ADCY7: variants seen among roughly 807,000 people sequenced by gnomAD.
The protein encoded by ADCY7 is adenylate cyclase 7, also known as adenylate cyclase type 7.
ADCY7 carries 72 observed loss-of-function variants against 120.6 expected under a neutral mutation model. The ratio of observed to expected loss-of-function variants is 0.60; its 90% CI spans 0.49 to 0.73. The LOEUF is 0.73. ADCY7 is among the 30% of genes least tolerant of loss of function. The probability of loss-of-function intolerance (pLI) is 0.00; values close to 1 mark genes in which losing one functional copy is unlikely to be tolerated. For missense variants in ADCY7, 1,227 were observed against 1,486.0 expected, an observed-to-expected ratio of 0.83 and a Z score of 2.87; for synonymous variants, 661 against 628.0, an observed-to-expected ratio of 1.05 and a Z score of -0.78.
rs139792598 is a variant in ADCY7, at chr16:50,294,621, C to A, written c.837-19C>A. 3,042 of 1,341,712 alleles carry A rather than the reference C, an allele frequency of 2.3e-3. 111 individuals are homozygous for A. The East Asian group carries it at 0.055, about 24-fold the overall frequency. The allele number at this position is 1,341,712 out of a possible 1,614,324, so 83.1% of individuals were successfully genotyped here. ...GGAGCCTGGCTCTGACACTCCCTCC[C>A]ACCCTGCCCCATCCCCAGCATCCTC... On this transcript the variant is annotated intron_variant, in intron 6 of 25. Coordinates refer to ENST00000673801, the MANE Select transcript of ADCY7 (RefSeq NM_001114.5).
At chr16:50,270,284 A>G (rs2033478780) in intron 1 of ADCY7, among the ~76,000 whole-genome samples, 1 of 152,214 alleles carries the variant, frequency 6.6e-6, no homozygotes, top group African/African-American at 2.4e-5. Context: ...GAACTGGAGA[A>G]TGAGACCACA....
chr16:50,278,221 A>G (rs2034024886), intron 1 of ADCY7, among the ~76,000 whole-genome samples: 6 of 151,974 alleles, frequency 3.9e-5, no homozygotes, highest in Admixed American at 3.9e-4. Context: ...TGTATTTTTT[A>G]ATAGAAATGG....
intron 1 of ADCY7, among the ~76,000 whole-genome samples, chr16:50,267,639 G>A (rs1246027945): frequency 6.6e-6 from 1 of 152,162 alleles, no homozygotes; most frequent in African/African-American, 2.4e-5. Context: ...AGTGAGGACC[G>A]GGCTGCCCAG....
rs1482897121 is a variant in ADCY7 at position 50,305,783 on chromosome 16, C to G, written c.1686C>G (p.Cys562Trp). 2 of 1,613,830 alleles carry G rather than the reference C, an allele frequency of 1.2e-6. No individual in the cohort carries two copies. Among genetic ancestry groups the G allele is most frequent in the East Asian group, 4.5e-5 (2 of 44,898 alleles). Residue 562 changes from cysteine to tryptophan, a missense_variant, in exon 14 of 26, where the codon TGC becomes TGG. By Grantham distance (215) the Cys-to-Trp change is radical. Around this residue, in one of 5 missense-constraint regions of ADCY7, gnomAD observed 332 missense variants for 455.8 expected, o/e 0.73. Transcript: ENST00000673801. ...AIEGLSSTRPCCSKSDDFYTF... is the reference protein window; with the variant it reads ...AIEGLSSTRPWCSKSDDFYTF... The stretch of plus-strand genomic sequence containing the variant: ...CAGCTGCCCCCGCCCACAGGCCCTG[C>G]TGCTCCAAGTCCGATGACTTCTACA...
chr16:50,290,303 C>T lies in ADCY7; in HGVS notation c.172-154C>T, dbSNP rs544221465. On this transcript the variant is annotated intron_variant, in intron 2 of 25. Coordinates refer to ENST00000673801, the MANE Select transcript of ADCY7 (RefSeq NM_001114.5). ...CAGCCTTGGCAGAGGTGACAAAGGCCAGAAGGTGAGTGGGAACCAGGTGTG... is the reference window on the plus strand; with the variant it reads ...CAGCCTTGGCAGAGGTGACAAAGGCTAGAAGGTGAGTGGGAACCAGGTGTG... Among the ~76,000 whole-genome samples the T allele has an allele frequency of 5.3e-5, 8 of 152,262 alleles. No individual in the cohort carries two copies. In the East Asian group the frequency reaches 1.4e-3, roughly 26 times the overall value.
At chr16:50,264,356 GT>G (rs2033133450), upstream of ADCY7, among the ~76,000 whole-genome samples, 1 of 152,188 alleles carries the variant, frequency 6.6e-6, no homozygotes. Flanking sequence ...ATGAAAATTT[GT>G]TTATCCATTT....
intron 22 of ADCY7, 196 bp from the exon 23 acceptor site, chr16:50,313,762 C>T: frequency 3.5e-6 from 2 of 577,342 alleles, no homozygotes; most frequent in Non-Finnish European, 6.2e-6. Context: ...ACGGAGACAA[C>T]AGGAAGAGCA....
rs2036781630 is a variant in ADCY7, at chr16:50,316,015, G to A, written c.*510G>A. The A allele has an allele frequency of 6.5e-6, 1 of 154,420 alleles. No homozygotes were observed. Among genetic ancestry groups the A allele is most frequent in the Non-Finnish European group, 1.4e-5 (1 of 69,458 alleles). 9.6% of individuals were successfully genotyped at this position (154,420 alleles called of 1,614,324 possible). A position where few individuals can be genotyped will look rare whatever the true frequency, so the allele number is the denominator to read the frequency against. ...TCTGGTAAATGAAGCTGAAAGGGGT[G>A]TTTTACATCTGTAAACGGTTTCAAA... is the stretch of plus-strand genomic sequence containing the variant. On this transcript the variant is annotated 3_prime_UTR_variant, in exon 26 of 26. Coordinates refer to ENST00000673801, the MANE Select transcript of ADCY7 (RefSeq NM_001114.5).
At position 50,312,955 on chromosome 16, in the gene ADCY7, G is replaced by C; in HGVS notation, c.2670G>C (p.Val890=). 1 of 1,614,224 alleles carries C rather than the reference G, an allele frequency of 6.2e-7. No homozygotes were observed. Among genetic ancestry groups the C allele is most frequent in the Non-Finnish European group, 8.5e-7 (1 of 1,180,044 alleles). ...VMFASVPDFK[V]FYTECDVNKE... is the part of the protein sequence containing the mutation. ...TTGCCTCCGTGCCGGACTTCAAAGT[G>C]TTCTACACAGAGTGCGATGTCAACA... Residue 890 remains valine, a synonymous_variant, in exon 22 of 26, where the codon GTG becomes GTC. Transcript: ENST00000673801.
chr16:50,256,812 T>C (rs2032930320), intron 1 of ADCY7, among the ~76,000 whole-genome samples: 1 of 152,120 alleles, frequency 6.6e-6, no homozygotes, highest in African/African-American at 2.4e-5. Context: ...CTCCCTTCCT[T>C]CCGCTTGTGG....
chr16:50,252,871 T>C (rs1201082479), intron 1 of ADCY7, among the ~76,000 whole-genome samples: 2 of 152,252 alleles, frequency 1.3e-5, no homozygotes, highest in Non-Finnish European at 2.9e-5. Context: ...AAAAAACTTC[T>C]TAATAGAATT....
intron 1 of ADCY7, among the ~76,000 whole-genome samples, chr16:50,286,500 G>A (rs1052592717): frequency 1.8e-4 from 28 of 152,044 alleles, no homozygotes; most frequent in African/African-American, 6.7e-4. Flanking sequence ...AGATGCAGGG[G>A]GCTACCCTGG....
intron 1 of ADCY7, among the ~76,000 whole-genome samples, chr16:50,260,686 G>T (rs2033034820): frequency 6.6e-6 from 1 of 152,326 alleles, no homozygotes; most frequent in East Asian, 1.9e-4. Flanking sequence ...CTTGACTGGG[G>T]CTGGAGGGTC....
Position 50,300,989 on chromosome 16 carries a change from G to T in ADCY7, c.1236-93G>T, listed in dbSNP as rs532689336. 1.6e-5 allele frequency: 24 copies of T among 1,545,314 alleles called. No homozygotes were observed. In the South Asian group the frequency reaches 2.9e-4, roughly 19 times the overall value. The stretch of plus-strand genomic sequence containing the variant: ...AGGGAGAGATGAATGTAGAAAAGCT[G>T]GCCTGGGGCCCAGGCCTGCCTGCTG... On this transcript the variant is annotated intron_variant, in intron 9 of 25. Coordinates refer to ENST00000673801, the MANE Select transcript of ADCY7 (RefSeq NM_001114.5).
intron 1 of ADCY7, among the ~76,000 whole-genome samples, chr16:50,268,708 G>C (rs1262029326): frequency 1.3e-5 from 2 of 152,124 alleles, no homozygotes; most frequent in Non-Finnish European, 2.9e-5. Context: ...GGTGTAGGGA[G>C]AGCTCAGGAA....
intron 25 of ADCY7, 33 bp downstream of exon 25, chr16:50,315,171 G>A (rs1180691950): frequency 1.2e-6 from 2 of 1,611,902 alleles, no homozygotes; most frequent in African/African-American, 2.7e-5. Context: ...GTTGACTAAG[G>A]GGAAAAGATC....
At chr16:50,289,837 T>G (rs943939468) in intron 2 of ADCY7, among the ~76,000 whole-genome samples, 3 of 152,222 alleles carry the variant, frequency 2.0e-5, no homozygotes, top group Non-Finnish European at 2.9e-5. Context: ...CCAGGGTGTT[T>G]ATGTGAGTGA....
At chr16:50,313,552 G>A (rs1368395580) in intron 22 of ADCY7, 1 of 207,068 alleles carries the variant, frequency 4.8e-6, no homozygotes, top group Admixed American at 5.4e-5. Context: ...TCTTCTCTGT[G>A]ATGGGCAGCT....
intron 1 of ADCY7, among the ~76,000 whole-genome samples, chr16:50,256,667 C>T (rs1302738835): frequency 6.6e-6 from 1 of 152,066 alleles, no homozygotes; most frequent in Non-Finnish European, 1.5e-5. Context: ...CACATCACTG[C>T]ACTCCAGCTT....
Sources: gnomAD v4.1 joint callset for allele counts (sites outside exome capture counted in the v4.1 genomes callset) on GRCh38, gnomAD v4.1.1 for gene constraint, gnomAD v4.1.1 regional missense constraint, MANE v1.5 for transcripts, NCBI Gene and HGNC (gene_info 2026-07-23, HGNC 2026-07-21) for gene names.